NR3C2: variants seen among roughly 807,000 people sequenced by gnomAD.
The protein encoded by NR3C2 is mineralocorticoid receptor.
NR3C2 carries 15 observed loss-of-function variants against 86.4 expected under a neutral mutation model. That is an observed-to-expected ratio of 0.17 (90% confidence interval 0.12 to 0.27). The LOEUF (loss-of-function observed/expected upper bound fraction) is 0.27, where lower values mean the gene tolerates loss of function less well. Ranked by LOEUF, NR3C2 falls within the 10% of genes least tolerant of loss-of-function variation. NR3C2 has a pLI of 1.00. For synonymous variants in NR3C2, 458 were observed against 450.5 expected (o/e 1.02, Z -0.21); for missense variants, 960 against 1,195.6 (o/e 0.80, Z 2.91).
At chr4:148,307,746 G>C (rs187400658) in intron 2 of NR3C2, among the ~76,000 whole-genome samples, 2 of 152,070 alleles carry the variant, frequency 1.3e-5, no homozygotes, top group African/African-American at 4.8e-5. Flanking sequence ...AAAACAAGTA[G>C]GTCTTTTAAG....
intron 2 of NR3C2, among the ~76,000 whole-genome samples, chr4:148,423,115 C>G (rs1749361630): frequency 6.6e-6 from 1 of 152,130 alleles, no homozygotes; most frequent in African/African-American, 2.4e-5. Context: ...GGGCTCCTAT[C>G]TGCCTAAATT....
chr4:148,415,023 C>T (rs1748924045), intron 2 of NR3C2, among the ~76,000 whole-genome samples: 1 of 152,164 alleles, frequency 6.6e-6, no homozygotes, highest in Admixed American at 6.5e-5. Context: ...GATTTGCCTA[C>T]AGAAAAATCT....
chr4:148,128,933 T>A (rs1329515456), intron 6 of NR3C2, among the ~76,000 whole-genome samples: 1 of 152,236 alleles, frequency 6.6e-6, no homozygotes, highest in East Asian at 1.9e-4. Context: ...TGACTTCCAT[T>A]TTTTGTTACT....
chr4:148,435,024 T>G (rs1056151956), intron 2 of NR3C2, 80 bp downstream of exon 2: 1 of 1,347,016 alleles, frequency 7.4e-7, no homozygotes, highest in African/African-American at 1.4e-5. Flanking sequence ...TGTGTTTAAA[T>G]TTATCAACTG....
intron 2 of NR3C2, among the ~76,000 whole-genome samples, chr4:148,376,787 A>G (rs889942443): frequency 6.6e-6 from 1 of 152,212 alleles, no homozygotes; most frequent in Non-Finnish European, 1.5e-5. Context: ...AGACTAAATA[A>G]CAGAAAAATT....
intron 4 of NR3C2, among the ~76,000 whole-genome samples, chr4:148,163,948 G>A (rs1201153089): frequency 2.0e-5 from 3 of 152,150 alleles, no homozygotes; most frequent in Admixed American, 2.0e-4. Flanking sequence ...CATTACATTT[G>A]CAGACAACAT....
At chr4:148,379,645 AAAAC>A (rs1746861384) in intron 2 of NR3C2, among the ~76,000 whole-genome samples, 1 of 152,242 alleles carries the variant, frequency 6.6e-6, no homozygotes. Flanking sequence ...AAATGAGAGA[AAAAC>A]AAAATTGTGT....
intron 8 of NR3C2, among the ~76,000 whole-genome samples, chr4:148,088,341 T>A (rs1014025834): frequency 6.6e-6 from 1 of 152,206 alleles, no homozygotes. Flanking sequence ...GAAATATCAT[T>A]TGACCCAGCA....
intron 4 of NR3C2, among the ~76,000 whole-genome samples, chr4:148,182,569 C>T (rs192970371): frequency 4.3e-4 from 65 of 152,298 alleles, no homozygotes; most frequent in Middle Eastern, 3.4e-3. Context: ...ACCCATAAAA[C>T]CTATCCTGTA....
intron 2 of NR3C2, among the ~76,000 whole-genome samples, chr4:148,291,750 G>T (rs897421879): frequency 6.6e-6 from 1 of 152,024 alleles, no homozygotes; most frequent in Admixed American, 6.6e-5. Flanking sequence ...CTAATGTATA[G>T]ATGCCCCCTT....
intron 6 of NR3C2, among the ~76,000 whole-genome samples, chr4:148,135,134 C>A (rs1380155163): frequency 6.6e-6 from 1 of 152,138 alleles, no homozygotes; most frequent in East Asian, 1.9e-4. Context: ...TTTTCTGCAA[C>A]AAGGAAAAGG....
intron 1 of NR3C2, among the ~76,000 whole-genome samples, chr4:148,441,507 C>T (rs1438680787): frequency 1.3e-5 from 2 of 152,154 alleles, no homozygotes; most frequent in African/African-American, 4.8e-5. Context: ...ACTGATGGTG[C>T]CATAAACCAT....
In NR3C2 at chr4:148,081,373, C is replaced by A; in HGVS notation, c.2926G>T (p.Ala976Ser). 1.2e-6 allele frequency: 2 copies of A among 1,614,058 alleles called. No homozygotes were observed. Among genetic ancestry groups the A allele is most frequent in the Non-Finnish European group, 1.7e-6 (2 of 1,179,994 alleles). Residue 976 changes from alanine (A) to serine (S), a missense_variant, in exon 9 of 9, where the codon GCC becomes TCC. Around this residue, in one of 4 missense-constraint regions of NR3C2, gnomAD observed 151 missense variants for 296.3 expected, o/e 0.51. Transcript: ENST00000358102. ...DQLPKVESGN[A>S]KPLYFHRK ...TTCCGGTGGAAGTAGAGCGGCTTGG[C>A]GTTCCCCGACTCCACCTTGGGCAGC...
At chr4:148,163,730 A>C (rs1309730878) in intron 4 of NR3C2, among the ~76,000 whole-genome samples, 2 of 152,140 alleles carry the variant, frequency 1.3e-5, no homozygotes, top group Non-Finnish European at 2.9e-5. Context: ...AATAGTAAAG[A>C]GCTACATTAA....
intron 2 of NR3C2, among the ~76,000 whole-genome samples, chr4:148,427,009 G>C (rs1407533030): frequency 2.0e-5 from 3 of 151,294 alleles, no homozygotes; most frequent in African/African-American, 4.9e-5. Flanking sequence ...AGGCTGAAGT[G>C]TAGTACACGG....
intron 2 of NR3C2, among the ~76,000 whole-genome samples, chr4:148,393,697 C>T (rs1380839521): frequency 1.3e-5 from 2 of 152,158 alleles, no homozygotes; most frequent in Non-Finnish European, 1.5e-5. Context: ...GGTAAAACCT[C>T]CTGATGCTGA....
At chr4:148,242,661 T>C (rs910502755) in intron 3 of NR3C2, among the ~76,000 whole-genome samples, 3 of 152,176 alleles carry the variant, frequency 2.0e-5, no homozygotes, top group Non-Finnish European at 4.4e-5. Context: ...CTCTAAAATT[T>C]TACAGAAAAT....
chr4:148,283,417 A>C (rs1741347227), intron 2 of NR3C2, among the ~76,000 whole-genome samples: 1 of 152,232 alleles, frequency 6.6e-6, no homozygotes, highest in Non-Finnish European at 1.5e-5. Context: ...TATTTTCATA[A>C]AGAACCTATT....
chr4:148,112,571 C>A (rs1578895239), intron 8 of NR3C2, among the ~76,000 whole-genome samples: 1 of 152,206 alleles, frequency 6.6e-6, no homozygotes. Flanking sequence ...TGCTTGCCAT[C>A]ATCTCTTATT....
Sources: gnomAD v4.1 joint callset for allele counts (sites outside exome capture counted in the v4.1 genomes callset) on GRCh38, gnomAD v4.1.1 for gene constraint, gnomAD v4.1.1 regional missense constraint, MANE v1.5 for transcripts, NCBI Gene and HGNC (gene_info 2026-07-23, HGNC 2026-07-21) for gene names.